MTUS2: variants seen among roughly 807,000 people sequenced by gnomAD.
MTUS2 encodes the protein microtubule associated scaffold protein 2, also known as microtubule-associated tumor suppressor candidate 2.
MTUS2 carries 40 observed loss-of-function variants against 114.1 expected under a neutral mutation model. The observed-to-expected ratio is 0.35, with a 90% CI of 0.27 to 0.46. The LOEUF (loss-of-function observed/expected upper bound fraction) is 0.46, where lower values mean the gene tolerates loss of function less well. Ranked by LOEUF, MTUS2 falls within the 20% of genes least tolerant of loss-of-function variation. The probability of loss-of-function intolerance (pLI) is 1.00; values close to 1 mark genes in which losing one functional copy is unlikely to be tolerated. For synonymous variants in MTUS2, 688 were observed against 672.0 expected (o/e 1.02, Z -0.37); for missense variants, 1,679 against 1,705.4 (o/e 0.98, Z 0.27).
chr13:28,923,397 T>G (rs1375070910), intron 2 of MTUS2, among the ~76,000 whole-genome samples: 1 of 152,202 alleles, frequency 6.6e-6, no homozygotes, highest in Non-Finnish European at 1.5e-5. Context: ...TGTTTAGATC[T>G]TCCATTTTAG....
intron 2 of MTUS2, among the ~76,000 whole-genome samples, chr13:28,852,837 C>A (rs1260659984): frequency 6.6e-6 from 1 of 151,912 alleles, no homozygotes; most frequent in East Asian, 1.9e-4. Flanking sequence ...ACAGAGCGAG[C>A]CTCTATCTTA....
At chr13:28,913,767 G>GA (rs1379407025) in intron 2 of MTUS2, among the ~76,000 whole-genome samples, 1 of 151,872 alleles carries the variant, frequency 6.6e-6, no homozygotes, top group Non-Finnish European at 1.5e-5. Flanking sequence ...TGGTTGGTAG[G>GA]CTATTTATTA....
chr13:29,501,321 C>T (rs1362123361), intron 15 of MTUS2, 127 bp downstream of exon 15: 2 of 714,110 alleles, frequency 2.8e-6, no homozygotes, highest in East Asian at 5.5e-5. Context: ...TCCCCAAGAC[C>T]TGAAGAACAA....
At chr13:29,046,856 C>G (rs1325398801) in intron 4 of MTUS2, among the ~76,000 whole-genome samples, 1 of 152,174 alleles carries the variant, frequency 6.6e-6, no homozygotes, top group East Asian at 1.9e-4. Flanking sequence ...TACAGACACC[C>G]CTTCCCCTTT....
intron 2 of MTUS2, among the ~76,000 whole-genome samples, chr13:28,898,405 T>C (rs1411706045): frequency 6.6e-6 from 1 of 152,208 alleles, no homozygotes; most frequent in Non-Finnish European, 1.5e-5. Flanking sequence ...GCATGGTATG[T>C]TCCTCGTGGG....
chr13:29,182,138 A>G (rs917160137), intron 5 of MTUS2, among the ~76,000 whole-genome samples: 11 of 152,198 alleles, frequency 7.2e-5, no homozygotes, highest in South Asian at 2.1e-4. Context: ...TCAGATATCT[A>G]TAGCTTGGAG....
In MTUS2 at chr13:29,200,521, G is replaced by GGTTTTTTT. The variant is rs1309388936; in HGVS notation, c.2645-81183_2645-81182insGTTTTTTT. Among the ~76,000 whole-genome samples the GGTTTTTTT allele has an allele frequency of 6.4e-3, 550 of 85,398 alleles. 21 individuals are homozygous for GGTTTTTTT. Among genetic ancestry groups the GGTTTTTTT allele is most frequent in the African/African-American group, 0.026 (530 of 20,196 alleles). The allele number at this position is 85,398 out of a possible 152,430, so 56.0% of individuals were successfully genotyped here. On this transcript the variant is annotated intron_variant, in intron 5 of 15. Coordinates refer to ENST00000612955, the MANE Select transcript of MTUS2 (RefSeq NM_001033602.4). ...TGGTTTTGAGTGAGTTTCTTTTTCT[G>GGTTTTTTT]TTTTTTTTTTTTTTTTGAGATGGAG...
At position 29,270,018 on chromosome 13, in the gene MTUS2, G is replaced by A. The variant is rs564783091; in HGVS notation, c.2645-11686G>A. 1.8e-4 allele frequency among the ~76,000 whole-genome samples: 28 copies of A among 152,244 alleles called. 1 individual carries two copies. In the South Asian group the frequency reaches 2.7e-3, roughly 15 times the overall value. On this transcript the variant is annotated intron_variant, in intron 5 of 15. Coordinates refer to ENST00000612955, the MANE Select transcript of MTUS2 (RefSeq NM_001033602.4). The stretch of plus-strand genomic sequence containing the variant: ...ATCTAAAAAGGTCAAACTCATAGAA[G>A]CAGAGAGTGGAATGGTGGTTGCCAG...
chr13:29,293,054 A>C lies in MTUS2; in HGVS notation c.2806+11189A>C, dbSNP rs1355978553. Among the ~76,000 whole-genome samples, 6 of 152,292 alleles carry C rather than the reference A, an allele frequency of 3.9e-5. No individual in the cohort carries two copies. In the South Asian group the frequency reaches 1.2e-3, roughly 32 times the overall value. ...GAAATAATTAGTTTAAAATGTGGGG[A>C]TATGGAAAGTCTTTTTTAGTATGAC... On this transcript the variant is annotated intron_variant, in intron 6 of 15. Transcript: ENST00000612955.
chr13:28,921,660 A>T (rs1245336721), intron 2 of MTUS2, among the ~76,000 whole-genome samples: 1 of 152,124 alleles, frequency 6.6e-6, no homozygotes, highest in Non-Finnish European at 1.5e-5. Flanking sequence ...ACCTTAGAGC[A>T]TTTTGGCCTG....
intron 11 of MTUS2, among the ~76,000 whole-genome samples, chr13:29,491,299 T>C (rs1189732044): frequency 6.6e-6 from 1 of 150,896 alleles, no homozygotes; most frequent in African/African-American, 2.4e-5. Flanking sequence ...TTTGGAGGTG[T>C]GCAGGCGTGG....
At chr13:29,001,613 A>G (rs1006813883) in intron 2 of MTUS2, among the ~76,000 whole-genome samples, 1 of 152,174 alleles carries the variant, frequency 6.6e-6, no homozygotes, top group Admixed American at 6.5e-5. Flanking sequence ...TAAGCTTGAG[A>G]TCTGTTCAAC....
chr13:28,931,937 C>T (rs1031595171), intron 2 of MTUS2, among the ~76,000 whole-genome samples: 1 of 152,122 alleles, frequency 6.6e-6, no homozygotes, highest in Non-Finnish European at 1.5e-5. Context: ...TGTCAACCTA[C>T]ACACATCTTC....
chr13:28,968,694 GCTCA>G (rs1384704841), intron 2 of MTUS2, among the ~76,000 whole-genome samples: 1 of 152,072 alleles, frequency 6.6e-6, no homozygotes, highest in African/African-American at 2.4e-5. Flanking sequence ...TACAGAGCCT[GCTCA>G]CTTTTAGTTT....
chr13:28,917,851 C>T (rs1880834056), intron 2 of MTUS2, among the ~76,000 whole-genome samples: 1 of 151,684 alleles, frequency 6.6e-6, no homozygotes, highest in African/African-American at 2.4e-5. Flanking sequence ...GAGGTAGTTA[C>T]TTAAAGCTGT....
At chr13:29,069,035 AG>A (rs1223538791) in intron 4 of MTUS2, among the ~76,000 whole-genome samples, 1 of 152,192 alleles carries the variant, frequency 6.6e-6, no homozygotes, top group Admixed American at 6.5e-5. Flanking sequence ...GCAGAATACC[AG>A]AAAGGACAGC....
rs569795271 is a variant in MTUS2 at position 29,004,406 on chromosome 13, TGC to T, written c.-242-20049_-242-20048del. Among the ~76,000 whole-genome samples the T allele has an allele frequency of 1.2e-4, 19 of 152,310 alleles. No individual in the cohort carries two copies. The East Asian group carries it at 3.7e-3, about 29-fold the overall frequency. On this transcript the variant is annotated intron_variant, in intron 2 of 15. Transcript: ENST00000612955. ...ATTATATATTCAAAATAACTCCCAA[TGC>T]GTAGTTGTAGTCATGAAATGCTTAT...
intron 9 of MTUS2, among the ~76,000 whole-genome samples, chr13:29,448,945 G>A (rs892060108): frequency 6.6e-6 from 1 of 151,788 alleles, no homozygotes; most frequent in East Asian, 1.9e-4. Flanking sequence ...GTAGAGTTGG[G>A]GTTTCGCCAT....
At chr13:28,968,865 A>G (rs975452872) in intron 2 of MTUS2, among the ~76,000 whole-genome samples, 2 of 152,196 alleles carry the variant, frequency 1.3e-5, no homozygotes, top group Non-Finnish European at 2.9e-5. Context: ...ATTTTATTCA[A>G]AGTATACTAA....
Sources: allele counts gnomAD v4.1 joint callset (sites outside exome capture counted in the v4.1 genomes callset), GRCh38; gene constraint gnomAD v4.1.1; transcripts MANE v1.5; gene names NCBI Gene and HGNC (gene_info 2026-07-23, HGNC 2026-07-21).